The following MAPT variants were observed in gnomAD, a reference collection of about 807,000 sequenced individuals.
MAPT encodes microtubule-associated protein tau.
A neutral mutation model predicts 67.9 loss-of-function variants in MAPT; 34 were observed. That is an observed-to-expected ratio of 0.50 (90% CI 0.38 to 0.67). The LOEUF (loss-of-function observed/expected upper bound fraction) is 0.67, where lower values mean the gene tolerates loss of function less well. Among genes scored for constraint, MAPT ranks in the 30% least tolerant of loss-of-function variants. MAPT has a pLI of 0.00. For synonymous variants in MAPT, 456 were observed against 464.5 expected, an observed-to-expected ratio of 0.98 and a Z score of 0.23; for missense variants, 881 against 1,115.2, an observed-to-expected ratio of 0.79 and a Z score of 2.99.
intron 4 of MAPT, chr17:45,979,700 GCTTAGGTAAAA>G (rs2145591289): frequency 6.6e-6 from 1 of 152,306 alleles, no homozygotes; most frequent in East Asian, 1.9e-4. Context: ...ATGTTTTTCA[GCTTAGGTAAAA>G]CTAGAGGCTT....
At chr17:45,940,211 A>G (rs140153949) in intron 1 of MAPT, among the ~76,000 whole-genome samples, 1 of 152,326 alleles carries the variant, frequency 6.6e-6, no homozygotes, top group East Asian at 1.9e-4. Context: ...TTTGGAAAGC[A>G]ACTGTTTTCT....
chr17:45,991,577 C>G lies in MAPT; in HGVS notation c.1723C>G (p.Pro575Ala), dbSNP rs1057336659. The G allele has an allele frequency of 6.2e-7, 1 of 1,614,124 alleles. No individual in the cohort carries two copies. The highest frequency in any genetic ancestry group is 8.5e-7 in the Non-Finnish European group (1 of 1,179,994). Residue 575 changes from proline (P) to alanine (A), a missense_variant, in exon 8 of 13, where the codon CCC becomes GCC. By Grantham distance (27) the Pro-to-Ala change is conservative (BLOSUM62 -1). Around this residue, in one of 6 missense-constraint regions of MAPT, gnomAD observed 687 missense variants for 766.1 expected, o/e 0.90. Coordinates refer to ENST00000262410, the MANE Select transcript of MAPT (RefSeq NM_001377265.1). ...AKTPPAPKTP[P>A]SSGEPPKSGD... ...AACCCCGCCCGCTCCAAAGACACCA[C>G]CCAGCTCTGGTAAGAAGAACGTTCT...
chr17:46,004,531 A>G (rs953152520), intron 9 of MAPT, among the ~76,000 whole-genome samples: 5 of 152,184 alleles, frequency 3.3e-5, no homozygotes, highest in Non-Finnish European at 5.9e-5. Flanking sequence ...AGTGTAATAT[A>G]TATGTTACTG....
chr17:45,970,672 T>G (rs7220924), intron 2 of MAPT, among the ~76,000 whole-genome samples: 8,340 of 152,274 alleles, frequency 0.055, 760 homozygotes, highest in African/African-American at 0.19. Context: ...ATTTTACAGA[T>G]GAGGAAACGG....
intron 1 of MAPT, among the ~76,000 whole-genome samples, chr17:45,905,157 T>C (rs2064219797): frequency 6.6e-6 from 1 of 152,216 alleles, no homozygotes; most frequent in Non-Finnish European, 1.5e-5. Flanking sequence ...CGGAGGATTT[T>C]GCAGAACATC....
chr17:46,002,626 C>A (rs933304593), intron 9 of MAPT, among the ~76,000 whole-genome samples: 5 of 152,096 alleles, frequency 3.3e-5, no homozygotes, highest in Non-Finnish European at 7.4e-5. Context: ...AGCCTGGAAG[C>A]CCAGGATGGA....
chr17:45,922,022 G>GCTTT (rs1409644075), intron 1 of MAPT, among the ~76,000 whole-genome samples: 1 of 151,506 alleles, frequency 6.6e-6, no homozygotes, highest in Non-Finnish European at 1.5e-5. Flanking sequence ...CGGTGAGTTT[G>GCTTT]CTTTTTTTTT....
intron 1 of MAPT, among the ~76,000 whole-genome samples, chr17:45,926,958 T>TGTATATATATACAC (rs1491362209): frequency 9.3e-6 from 1 of 107,956 alleles, no homozygotes; most frequent in Non-Finnish European, 2.6e-5. Context: ...CATATATGTG[T>TGTATATATATACAC]ATATATATAC....
chr17:46,014,462 G>C, intron 11 of MAPT, 138 bp downstream of exon 11: 1 of 730,798 alleles, frequency 1.4e-6, no homozygotes. Context: ...AAAGTGTTGA[G>C]TGTGAAACTT....
intron 1 of MAPT, chr17:45,895,083 G>T: frequency 6.4e-6 from 1 of 155,058 alleles, no homozygotes; most frequent in South Asian, 2.0e-4. Context: ...GTGTGTGTGT[G>T]TGTGTGTGGA....
At chr17:45,972,205 C>T (rs1216549950) in intron 3 of MAPT, 13 of 648,562 alleles carry the variant, frequency 2.0e-5, no homozygotes, top group Non-Finnish European at 2.8e-5. Flanking sequence ...CACAAAGCCC[C>T]GCTCCATACG....
At chr17:46,014,378 T>G in intron 11 of MAPT, 54 bp downstream of exon 11, 3 of 1,281,518 alleles carry the variant, frequency 2.3e-6, no homozygotes, top group Admixed American at 1.7e-5. Flanking sequence ...GGTGGAGGAG[T>G]CCTGGTGAGG....
intron 9 of MAPT, among the ~76,000 whole-genome samples, chr17:46,007,437 C>A (rs769131560): frequency 6.6e-6 from 1 of 151,792 alleles, no homozygotes; most frequent in Non-Finnish European, 1.5e-5. Flanking sequence ...CAGTGAGCTA[C>A]GATGGCGCCA....
chr17:45,970,660 G>C (rs73314989), intron 2 of MAPT, among the ~76,000 whole-genome samples: 2 of 152,322 alleles, frequency 1.3e-5, no homozygotes, highest in East Asian at 1.9e-4. Flanking sequence ...GTCATCTCAC[G>C]CATTTTACAG....
At chr17:46,008,209 TC>T (rs2075581442) in intron 9 of MAPT, among the ~76,000 whole-genome samples, 1 of 152,164 alleles carries the variant, frequency 6.6e-6, no homozygotes, top group African/African-American at 2.4e-5. Flanking sequence ...CTATTCTCCT[TC>T]CTCAACCTCC....
At chr17:45,974,223 T>TGG (rs2072053020) in intron 3 of MAPT, 2 of 656,454 alleles carry the variant, frequency 3.0e-6, no homozygotes, top group Non-Finnish European at 5.5e-6. Flanking sequence ...CCTGGGGAGC[T>TGG]GGTAGCAGGG....
intron 1 of MAPT, among the ~76,000 whole-genome samples, chr17:45,902,910 T>C (rs1039556683): frequency 2.0e-5 from 3 of 152,182 alleles, no homozygotes; most frequent in Non-Finnish European, 4.4e-5. Context: ...AAGAGGGACA[T>C]AATTATCTCT....
chr17:45,989,807 C>T, intron 6 of MAPT, 71 bp from the exon 7 acceptor site: 1 of 1,370,336 alleles, frequency 7.3e-7, no homozygotes, highest in Non-Finnish European at 1.0e-6. Flanking sequence ...TAGTTACTGT[C>T]CTTTTTTCAG....
At chr17:45,962,010 G>C (rs1038756812) in intron 1 of MAPT, among the ~76,000 whole-genome samples, 1 of 152,068 alleles carries the variant, frequency 6.6e-6, no homozygotes, top group African/African-American at 2.4e-5. Context: ...CCTGACCTCA[G>C]GTGATCCACC....
Sources: allele counts gnomAD v4.1 joint callset (sites outside exome capture counted in the v4.1 genomes callset), GRCh38; gene constraint gnomAD v4.1.1; regional missense constraint gnomAD v4.1.1; transcripts MANE v1.5; gene names NCBI Gene and HGNC (gene_info 2026-07-23, HGNC 2026-07-21).